The following MEGF6 variants were observed in gnomAD, a reference collection of about 807,000 sequenced individuals.
MEGF6 encodes multiple epidermal growth factor-like domains protein 6.
MEGF6 carries 184 observed loss-of-function variants against 207.1 expected under a neutral mutation model. The ratio of observed to expected loss-of-function variants is 0.89; its 90% CI spans 0.79 to 1.00. The LOEUF is 1.00. MEGF6 is among the 50% of genes least tolerant of loss of function. MEGF6 has a pLI of 0.00. For missense variants in MEGF6, 2,282 were observed against 2,202.9 expected, an observed-to-expected ratio of 1.04 and a Z score of -0.72; for synonymous variants, 1,038 against 910.0, an observed-to-expected ratio of 1.14 and a Z score of -2.53.
chr1:3,585,211 ATGAG>A (rs746040606), intron 3 of MEGF6, among the ~76,000 whole-genome samples: 3 of 124,430 alleles, frequency 2.4e-5, no homozygotes, highest in Non-Finnish European at 4.9e-5. Context: ...ATGTGTGAGT[ATGAG>A]TGAGGACACT....
At position 3,490,193 on chromosome 1, in the gene MEGF6, C is replaced by G. The variant is rs779472958; in HGVS notation, c.*335G>C. 1.0e-5 allele frequency: 4 copies of G among 387,444 alleles called. No individual in the cohort carries two copies. The highest frequency in any genetic ancestry group is 1.4e-5 in the Non-Finnish European group (3 of 214,666). The allele number at this position is 387,444 out of a possible 1,614,324, so 24.0% of individuals were successfully genotyped here. ...GGCCCTGTGCCTGCACCTGCGCCTG[C>G]ACCCACACTGGCGCCCACACCTGTC... is the stretch of plus-strand genomic sequence containing the variant. On this transcript the variant is annotated 3_prime_UTR_variant, in exon 37 of 37. Coordinates refer to ENST00000356575, the MANE Select transcript of MEGF6 (RefSeq NM_001409.4).
chr1:3,568,801 G>C (rs1570155771), intron 4 of MEGF6, among the ~76,000 whole-genome samples: 1 of 152,232 alleles, frequency 6.6e-6, no homozygotes, highest in East Asian at 1.9e-4. Flanking sequence ...CTGTGGGTGA[G>C]GTTTGCCCCT....
At chr1:3,547,831 G>A (rs943766736) in intron 4 of MEGF6, among the ~76,000 whole-genome samples, 43 of 152,166 alleles carry the variant, frequency 2.8e-4, no homozygotes, top group Admixed American at 1.4e-3. Context: ...GACTTCCCCC[G>A]GGACTTGGTC....
chr1:3,540,102 G>A (rs968285560), intron 4 of MEGF6, among the ~76,000 whole-genome samples: 8 of 152,200 alleles, frequency 5.3e-5, no homozygotes, highest in Non-Finnish European at 7.3e-5. Flanking sequence ...CTGCCCCAGC[G>A]TCCTGGTTCT....
intron 4 of MEGF6, among the ~76,000 whole-genome samples, chr1:3,554,136 G>A (rs375459671): frequency 4.6e-5 from 7 of 152,126 alleles, no homozygotes; most frequent in African/African-American, 4.8e-5. Flanking sequence ...GAGCACATGC[G>A]CCCCATCCCG....
At chr1:3,523,869 T>C (rs1467624877) in intron 5 of MEGF6, among the ~76,000 whole-genome samples, 1 of 152,206 alleles carries the variant, frequency 6.6e-6, no homozygotes, top group Non-Finnish European at 1.5e-5. Flanking sequence ...CGGGGCTTAG[T>C]GTGGCTGCAG....
At chr1:3,493,956 G>A (rs752626715) in intron 33 of MEGF6, 40 bp downstream of exon 33, 444 of 1,583,244 alleles carry the variant, frequency 2.8e-4, no homozygotes, top group Non-Finnish European at 3.7e-4. Context: ...GACGGGACGG[G>A]GCCAGGGAGC....
the MEGF6 span, among the ~76,000 whole-genome samples, chr1:3,623,817 T>G: frequency 6.6e-6 from 1 of 152,132 alleles, no homozygotes; most frequent in Admixed American, 6.5e-5. Context: ...TGGCCTCCCT[T>G]TTCTCTCTGG....
chr1:3,494,838 C>T, intron 30 of MEGF6, 97 bp from the exon 31 acceptor site: 1 of 1,439,438 alleles, frequency 6.9e-7, no homozygotes. Flanking sequence ...TCGGTAAATG[C>T]TTCCTGAGGC....
At chr1:3,563,904 T>C (rs1643274780) in intron 4 of MEGF6, among the ~76,000 whole-genome samples, 1 of 152,134 alleles carries the variant, frequency 6.6e-6, no homozygotes, top group South Asian at 2.1e-4. Flanking sequence ...AGCCTGCCCC[T>C]TCCCAAGGCA....
In MEGF6 at chr1:3,554,148, C is replaced by T. The variant is rs148611650; in HGVS notation, c.481+25677G>A. The stretch of plus-strand genomic sequence containing the variant: ...GAAGAGCACATGCGCCCCATCCCGC[C>T]CCCGGCAGCCACCGTGACCCCCTTG... On this transcript the variant is annotated intron_variant, in intron 4 of 36. Transcript: ENST00000356575. 3.2e-4 allele frequency among the ~76,000 whole-genome samples: 48 copies of T among 152,238 alleles called. No homozygotes were observed. In the East Asian group the frequency reaches 7.4e-3, roughly 23 times the overall value.
chr1:3,590,211 C>T (rs1023045576), intron 3 of MEGF6, among the ~76,000 whole-genome samples: 1 of 152,228 alleles, frequency 6.6e-6, no homozygotes, highest in African/African-American at 2.4e-5. Flanking sequence ...GAGTCAGCTG[C>T]TCCAGGCTGG....
intron 4 of MEGF6, among the ~76,000 whole-genome samples, chr1:3,548,167 C>T (rs1642775445): frequency 6.6e-6 from 1 of 152,234 alleles, no homozygotes; most frequent in Non-Finnish European, 1.5e-5. Flanking sequence ...CCAGCCCAGC[C>T]CACAGGGTGC....
At chr1:3,609,192 C>T (rs1644293122) in intron 1 of MEGF6, among the ~76,000 whole-genome samples, 1 of 152,146 alleles carries the variant, frequency 6.6e-6, no homozygotes, top group African/African-American at 2.4e-5. Context: ...GTAAGGGAGC[C>T]AACAGCGCCC....
chr1:3,501,762 G>A (rs749898083), intron 18 of MEGF6, 34 bp downstream of exon 18: 4 of 1,605,630 alleles, frequency 2.5e-6, no homozygotes, highest in Admixed American at 3.4e-5. Context: ...GTGCAGCCTG[G>A]GGAGGCGGAA....
intron 4 of MEGF6, among the ~76,000 whole-genome samples, chr1:3,555,248 G>A (rs1055362978): frequency 1.3e-5 from 2 of 148,992 alleles, no homozygotes; most frequent in Non-Finnish European, 3.0e-5. Context: ...GAGGAGCTGG[G>A]CACGAAGAGG....
In MEGF6 at chr1:3,560,165, T is replaced by C. The variant is rs1643156269; in HGVS notation, c.481+19660A>G. 6.6e-6 allele frequency among the ~76,000 whole-genome samples: 1 copy of C among 151,998 alleles called. No homozygotes were observed. Among genetic ancestry groups the C allele is most frequent in the African/African-American group, 2.4e-5 (1 of 41,394 alleles). On this transcript the variant is annotated intron_variant, in intron 4 of 36. Transcript: ENST00000356575. The surrounding 1 kb of genome is among the most constrained non-coding windows in gnomAD (Gnocchi z 4.0). The stretch of plus-strand genomic sequence containing the variant: ...TTTTTCTTTTAACTAATAGATTTTA[T>C]TTTTTAAAGCACTTTTAGGCTTATG...
Position 3,490,919 on chromosome 1 carries a change from C to A in MEGF6, c.4557G>T (p.Gln1519His). ...ATTCCCCACACCCCTTACCTGAGCC[C>A]TGGGCTAAGGACGGGTTCTCGGGGA... ...LRLPENPSLA[Q>H]GSAGTLPASS... The change falls in exon 36 of 37, where the codon CAG becomes CAT. Residue 1519 changes from glutamine to histidine, a missense_variant. Coordinates refer to ENST00000356575, the MANE Select transcript of MEGF6 (RefSeq NM_001409.4). 6.3e-7 allele frequency: 1 copy of A among 1,597,220 alleles called. No homozygotes were observed. The highest frequency in any genetic ancestry group is 8.5e-7 in the Non-Finnish European group (1 of 1,172,206).
rs528339320 is a variant in MEGF6, at chr1:3,512,587, TAGTG to T, written c.854-463_854-460del. On this transcript the variant is annotated intron_variant, in intron 7 of 36. Transcript: ENST00000356575. ...GGTCTTTCCTGTGCTGTTCTCATGA[TAGTG>T]AGTAAGTCTCATGAGATCTGATGGT... 8.1e-4 allele frequency among the ~76,000 whole-genome samples: 123 copies of T among 152,310 alleles called. 2 individuals carry two copies. The Middle Eastern group carries it at 0.017, about 21-fold the overall frequency.
Sources: allele counts gnomAD v4.1 joint callset (sites outside exome capture counted in the v4.1 genomes callset), GRCh38; gene constraint gnomAD v4.1.1; non-coding constraint Gnocchi (gnomAD v3.1); transcripts MANE v1.5; gene names NCBI Gene and HGNC (gene_info 2026-07-23, HGNC 2026-07-21).